Variants in CDK19 observed in about 807,000 individuals in gnomAD.
CDK19 encodes the protein cyclin dependent kinase 19.
A neutral mutation model predicts 68.3 loss-of-function variants in CDK19; 20 were observed. The ratio of observed to expected loss-of-function variants is 0.29; its 90% CI spans 0.21 to 0.43. CDK19 has a LOEUF of 0.43. Ranked by LOEUF, CDK19 falls within the 20% of genes least tolerant of loss-of-function variation. The pLI is 1.00. For missense variants in CDK19, 339 were observed against 623.5 expected, an observed-to-expected ratio of 0.54 and a Z score of 4.86; for synonymous variants, 221 against 222.8, an observed-to-expected ratio of 0.99 and a Z score of 0.07.
chr6:110,720,137 G>A (rs1481522109), intron 2 of CDK19, among the ~76,000 whole-genome samples: 1 of 152,034 alleles, frequency 6.6e-6, no homozygotes, highest in African/African-American at 2.4e-5. Flanking sequence ...AAGAGAACCA[G>A]AATTCCCAGT....
intron 2 of CDK19, among the ~76,000 whole-genome samples, chr6:110,708,758 A>G (rs1774717717): frequency 6.6e-6 from 1 of 152,216 alleles, no homozygotes; most frequent in African/African-American, 2.4e-5. Context: ...TGTTTCAGCA[A>G]AAAACTGGTA....
chr6:110,680,220 A>G (rs1285400544), intron 2 of CDK19, among the ~76,000 whole-genome samples: 2 of 152,250 alleles, frequency 1.3e-5, no homozygotes, highest in Non-Finnish European at 2.9e-5. Flanking sequence ...CTTGAGGTAA[A>G]GAGCAGCAAC....
chr6:110,810,355 T>C lies in CDK19; in HGVS notation c.128+4654A>G, dbSNP rs146248900. On this transcript the variant is annotated intron_variant, in intron 1 of 12. Coordinates refer to ENST00000368911, the MANE Select transcript of CDK19 (RefSeq NM_015076.5). Reference sequence around the variant, plus strand: ...AAAAGAGATATGACATGATTGATTTTATAGGAAAATGACACTAGCAGCAAT... The same window carrying C: ...AAAAGAGATATGACATGATTGATTTCATAGGAAAATGACACTAGCAGCAAT... Among the ~76,000 whole-genome samples the C allele has an allele frequency of 5.2e-3, 794 of 152,296 alleles. 6 individuals are homozygous for C. The highest frequency in any genetic ancestry group is 0.019 in the African/African-American group (772 of 41,566).
intron 2 of CDK19, among the ~76,000 whole-genome samples, chr6:110,711,829 G>A (rs549605156): frequency 9.8e-5 from 15 of 152,300 alleles, no homozygotes; most frequent in Non-Finnish European, 1.6e-4. Context: ...TTAACCGGGC[G>A]TGGTGGCGGG....
chr6:110,646,552 G>A (rs1780595169), intron 4 of CDK19: 3 of 1,146,994 alleles, frequency 2.6e-6, no homozygotes, highest in African/African-American at 1.6e-5. Flanking sequence ...TGCTTAAGTC[G>A]TGCTGAGTAC....
At chr6:110,667,162 C>A (rs1781995399) in intron 4 of CDK19, among the ~76,000 whole-genome samples, 2 of 152,114 alleles carry the variant, frequency 1.3e-5, no homozygotes, top group African/African-American at 4.8e-5. Context: ...CATGTGACTA[C>A]TCCATTAAAA....
At chr6:110,618,203 G>A (rs1236065090) in intron 12 of CDK19, among the ~76,000 whole-genome samples, 5 of 151,986 alleles carry the variant, frequency 3.3e-5, no homozygotes, top group African/African-American at 9.7e-5. Context: ...GCGCGATCTC[G>A]GCTCACTGCA....
At chr6:110,754,171 A>T (rs1778676413) in intron 1 of CDK19, among the ~76,000 whole-genome samples, 1 of 151,908 alleles carries the variant, frequency 6.6e-6, no homozygotes, top group African/African-American at 2.4e-5. Flanking sequence ...CTGGGATTAC[A>T]GGCACAGGTC....
At position 110,814,990 on chromosome 6, in the gene CDK19, C is replaced by G. The variant is rs779350070; in HGVS notation, c.128+19G>C. ...GGCGAGGACCCGAGCGAGCCTACTC[C>G]TCCCGCCCCTGCTCTTACCCATCTT... On this transcript the variant is annotated intron_variant, in intron 1 of 12. Coordinates refer to ENST00000368911, the MANE Select transcript of CDK19 (RefSeq NM_015076.5). The G allele has an allele frequency of 6.2e-7, 1 of 1,601,768 alleles. No individual in the cohort carries two copies. Among genetic ancestry groups the G allele is most frequent in the Non-Finnish European group, 8.5e-7 (1 of 1,174,902 alleles).
At chr6:110,649,842 T>C (rs1463641351) in intron 4 of CDK19, among the ~76,000 whole-genome samples, 1 of 152,132 alleles carries the variant, frequency 6.6e-6, no homozygotes, top group African/African-American at 2.4e-5. Context: ...AACTACTGAA[T>C]AGGAAGTAGG....
At chr6:110,788,272 C>T (rs1781376119) in intron 1 of CDK19, among the ~76,000 whole-genome samples, 1 of 152,124 alleles carries the variant, frequency 6.6e-6, no homozygotes, top group African/African-American at 2.4e-5. Context: ...AAGTGACCCT[C>T]CTGCCTCAGC....
intron 2 of CDK19, among the ~76,000 whole-genome samples, chr6:110,738,514 T>C (rs1215889605): frequency 6.6e-6 from 1 of 152,038 alleles, no homozygotes; most frequent in Non-Finnish European, 1.5e-5. Context: ...AGCAAGACTC[T>C]GTCTCAAAAA....
intron 2 of CDK19, among the ~76,000 whole-genome samples, chr6:110,736,999 T>G (rs908849487): frequency 2.0e-5 from 3 of 152,192 alleles, no homozygotes; most frequent in Admixed American, 1.3e-4. Context: ...CTAAAATAAC[T>G]CTACTGATGT....
intron 1 of CDK19, among the ~76,000 whole-genome samples, chr6:110,791,309 T>G (rs1415032988): frequency 6.6e-6 from 1 of 151,994 alleles, no homozygotes; most frequent in Admixed American, 6.6e-5. Flanking sequence ...ACAGTGATTT[T>G]GGGAGGAAAG....
At chr6:110,708,559 GCT>G (rs1049751412) in intron 2 of CDK19, among the ~76,000 whole-genome samples, 1 of 152,140 alleles carries the variant, frequency 6.6e-6, no homozygotes, top group Non-Finnish European at 1.5e-5. Flanking sequence ...GGAAGGGCAG[GCT>G]CTCCGACCAA....
chr6:110,752,057 CAAAAA>C (rs889720510), intron 1 of CDK19, among the ~76,000 whole-genome samples: 1 of 140,552 alleles, frequency 7.1e-6, no homozygotes, highest in South Asian at 2.2e-4. Flanking sequence ...TTTGAAATAA[CAAAAA>C]AAAAAAGATC....
At chr6:110,754,198 T>C (rs12197126) in intron 1 of CDK19, among the ~76,000 whole-genome samples, 7,223 of 151,548 alleles carry the variant, frequency 0.048, 182 homozygotes, top group Middle Eastern at 0.079. Flanking sequence ...CCCAGCTAAT[T>C]ATTTATTTTT....
chr6:110,657,590 C>T (rs947870374), intron 4 of CDK19, among the ~76,000 whole-genome samples: 1 of 152,158 alleles, frequency 6.6e-6, no homozygotes, highest in Admixed American at 6.5e-5. Flanking sequence ...AGCCAAAGGC[C>T]TCAAAGTACT....
chr6:110,815,400 C>G lies in CDK19; in HGVS notation c.-264G>C, dbSNP rs537283224. ...CAGGCACCCCCAGTCCCGCCTCCCT[C>G]CTTCATTTCCTTGTTTTGGAACCTG... is the stretch of plus-strand genomic sequence containing the variant. On this transcript the variant is annotated 5_prime_UTR_variant, in exon 1 of 13. Transcript: ENST00000368911. The G allele has an allele frequency of 6.4e-5, 21 of 326,654 alleles. No individual in the cohort carries two copies. The highest frequency in any genetic ancestry group is 8.7e-5 in the African/African-American group (4 of 45,938). 20.2% of individuals were successfully genotyped at this position (326,654 alleles called of 1,614,324 possible). A position where few individuals can be genotyped will look rare whatever the true frequency, so the allele number is the denominator to read the frequency against.
Sources: gnomAD v4.1 joint callset for allele counts (sites outside exome capture counted in the v4.1 genomes callset) on GRCh38, gnomAD v4.1.1 for gene constraint, MANE v1.5 for transcripts, NCBI Gene and HGNC (gene_info 2026-07-23, HGNC 2026-07-21) for gene names.